POMK: variants seen among roughly 807,000 people sequenced by gnomAD.
The protein encoded by POMK is protein O-mannose kinase, also known as Sugen kinase 196.
Under a neutral mutation model 23.0 loss-of-function variants are expected in POMK, and 19 were observed. That is an observed-to-expected ratio of 0.83 (90% CI 0.58 to 1.21). POMK has a LOEUF of 1.21. Ranked by LOEUF, POMK falls within the 50% of genes most tolerant of loss-of-function variation. POMK has a pLI of 0.00. For synonymous variants in POMK, 173 were observed against 171.6 expected (o/e 1.01, Z -0.06); for missense variants, 410 against 431.3 (o/e 0.95, Z 0.44).
At chr8:43,118,313 A>G (rs1000728239) in intron 4 of POMK, among the ~76,000 whole-genome samples, 3 of 152,210 alleles carry the variant, frequency 2.0e-5, no homozygotes, top group Non-Finnish European at 2.9e-5. Flanking sequence ...CAATGTATGT[A>G]TGTTATAACG....
chr8:43,099,738 C>T (rs565671933), intron 2 of POMK, among the ~76,000 whole-genome samples: 4 of 152,202 alleles, frequency 2.6e-5, no homozygotes, highest in South Asian at 4.1e-4. Context: ...GAGCTGGGCT[C>T]GGGGCCAGTT....
At chr8:43,117,005 C>T (rs569838404) in intron 4 of POMK, among the ~76,000 whole-genome samples, 2 of 151,362 alleles carry the variant, frequency 1.3e-5, no homozygotes, top group South Asian at 4.2e-4. Flanking sequence ...GAGTGGGGGT[C>T]GCAAGGTGCT....
chr8:43,100,047 G>T (rs1046565236), intron 2 of POMK, among the ~76,000 whole-genome samples: 2 of 152,208 alleles, frequency 1.3e-5, no homozygotes, highest in African/African-American at 2.4e-5. Context: ...GGGACAGAGA[G>T]TCATCTGAGA....
rs1244113743 is a variant in POMK at position 43,122,110 on chromosome 8, T to C, written c.286T>C (p.Phe96Leu). 2.5e-6 allele frequency: 4 copies of C among 1,613,650 alleles called. No homozygotes were observed. ...RVGEGAVKRV[F>L]LSEWKEHKVA... ...GCTCTCTATGGCTTTGTTGCAGGTC[T>C]TTCTGTCTGAGTGGAAGGAGCACAA... Residue 96 changes from phenylalanine (F) to leucine (L), a missense_variant, in exon 5 of 5, where the codon TTT becomes CTT. Phe to Leu is a conservative substitution (Grantham distance 22, BLOSUM62 0). Coordinates refer to ENST00000331373, the MANE Select transcript of POMK (RefSeq NM_032237.5).
At chr8:43,113,938 C>T (rs898940017) in intron 4 of POMK, among the ~76,000 whole-genome samples, 16 of 152,034 alleles carry the variant, frequency 1.1e-4, no homozygotes, top group African/African-American at 3.4e-4. Flanking sequence ...TTTCGTGAAC[C>T]GCGAATGCTG....
At chr8:43,108,513 C>T (rs1006971176) in intron 4 of POMK, among the ~76,000 whole-genome samples, 1 of 152,122 alleles carries the variant, frequency 6.6e-6, no homozygotes, top group African/African-American at 2.4e-5. Flanking sequence ...TACTCAGTTG[C>T]TACAAGCTGT....
intron 4 of POMK, among the ~76,000 whole-genome samples, chr8:43,106,255 G>A (rs902413280): frequency 1.4e-4 from 21 of 152,068 alleles, no homozygotes; most frequent in East Asian, 3.9e-4. Flanking sequence ...GTAACATTGA[G>A]CATTTTTTCA....
chr8:43,096,932 T>C (rs1811347461), intron 1 of POMK, among the ~76,000 whole-genome samples: 1 of 152,198 alleles, frequency 6.6e-6, no homozygotes, highest in Non-Finnish European at 1.5e-5. Context: ...ATGTATGATT[T>C]ATGGGCACAT....
chr8:43,100,585 A>C (rs534796165), intron 2 of POMK, among the ~76,000 whole-genome samples: 1 of 151,800 alleles, frequency 6.6e-6, no homozygotes, highest in African/African-American at 2.4e-5. Flanking sequence ...TGAAGGACTC[A>C]AGTGCTGGGT....
chr8:43,120,230 G>C (rs1191905373), intron 4 of POMK, among the ~76,000 whole-genome samples: 2 of 148,176 alleles, frequency 1.3e-5, no homozygotes, highest in African/African-American at 5.0e-5. Context: ...TTTTTTTTGA[G>C]ATGGAGTTTC....
At position 43,116,928 on chromosome 8, in the gene POMK, A is replaced by G. The variant is rs576698351; in HGVS notation, c.283-5179A>G. Among the ~76,000 whole-genome samples the G allele has an allele frequency of 2.8e-3, 427 of 151,980 alleles. 2 individuals are homozygous for G. Among genetic ancestry groups the G allele is most frequent in the South Asian group, 0.011 (53 of 4,810 alleles). ...AGCCAAGGGAGATAGGGGTAGGGCCATTTTTATAAGATTTGGGTAGGTAAA... is the reference window on the plus strand; with the variant it reads ...AGCCAAGGGAGATAGGGGTAGGGCCGTTTTTATAAGATTTGGGTAGGTAAA... On this transcript the variant is annotated intron_variant, in intron 4 of 4. Transcript: ENST00000331373.
rs1451146594 is a variant in POMK at position 43,111,026 on chromosome 8, C to T, written c.282+7196C>T. Among the ~76,000 whole-genome samples, 3 of 152,288 alleles carry T rather than the reference C, an allele frequency of 2.0e-5. No individual in the cohort carries two copies. The East Asian group carries it at 5.8e-4, about 29-fold the overall frequency. On this transcript the variant is annotated intron_variant, in intron 4 of 4. Coordinates refer to ENST00000331373, the MANE Select transcript of POMK (RefSeq NM_032237.5). ...CAGAAGACGGGTGATTTCTGCATTT[C>T]CAACTGAGGTACCAGGTTCATCTCA... is the stretch of plus-strand genomic sequence containing the variant.
intron 4 of POMK, among the ~76,000 whole-genome samples, chr8:43,111,309 G>C (rs1346858259): frequency 1.3e-5 from 2 of 152,190 alleles, no homozygotes; most frequent in Non-Finnish European, 2.9e-5. Context: ...TACGCCCATG[G>C]AGCCTCACTC....
At chr8:43,118,105 T>G (rs1811833948) in intron 4 of POMK, among the ~76,000 whole-genome samples, 1 of 152,174 alleles carries the variant, frequency 6.6e-6, no homozygotes, top group Non-Finnish European at 1.5e-5. Flanking sequence ...CAATTCCAAA[T>G]TCCTGGTATT....
intron 3 of POMK, among the ~76,000 whole-genome samples, 164 bp downstream of exon 3, chr8:43,102,764 C>T (rs137894659): frequency 6.6e-6 from 1 of 152,332 alleles, no homozygotes; most frequent in Non-Finnish European, 1.5e-5. Flanking sequence ...CTCTGCCATC[C>T]ACGGTCCTAC....
intron 4 of POMK, among the ~76,000 whole-genome samples, chr8:43,117,046 C>G (rs1811815166): frequency 6.6e-6 from 1 of 152,056 alleles, no homozygotes; most frequent in Non-Finnish European, 1.5e-5. Context: ...CCAGGATGAG[C>G]CAGGAAAAGG....
chr8:43,094,377 CA>C (rs1811289402), intron 1 of POMK, among the ~76,000 whole-genome samples: 1 of 152,108 alleles, frequency 6.6e-6, no homozygotes, highest in African/African-American at 2.4e-5. Flanking sequence ...CAAACCAAAC[CA>C]AAACAAAACA....
chr8:43,103,878 AAC>A (rs758397612), intron 4 of POMK, 48 bp downstream of exon 4: 26 of 1,579,854 alleles, frequency 1.6e-5, no homozygotes, highest in Non-Finnish European at 2.0e-5. Flanking sequence ...TATTTCGCTT[AAC>A]ACAGTGTCCT....
chr8:43,093,724 G>T (rs550551849), intron 1 of POMK, among the ~76,000 whole-genome samples, 161 bp downstream of exon 1: 1 of 152,232 alleles, frequency 6.6e-6, no homozygotes, highest in Non-Finnish European at 1.5e-5. Context: ...CTGGGCCTGA[G>T]CGGCCGTGTC....
Sources: gnomAD v4.1 joint callset for allele counts (sites outside exome capture counted in the v4.1 genomes callset) on GRCh38, gnomAD v4.1.1 for gene constraint, MANE v1.5 for transcripts, NCBI Gene and HGNC (gene_info 2026-07-23, HGNC 2026-07-21) for gene names.